Variants in CHD7 observed in about 807,000 individuals in gnomAD.
The protein encoded by CHD7 is chromodomain helicase DNA binding protein 7.
In CHD7, 24 loss-of-function variants were observed where a neutral mutation model predicts 307.3. The observed-to-expected ratio is 0.08, with a 90% confidence interval of 0.06 to 0.11. The LOEUF (loss-of-function observed/expected upper bound fraction) is 0.11, where lower values mean the gene tolerates loss of function less well. Ranked by LOEUF, CHD7 falls within the 10% of genes least tolerant of loss-of-function variation. The pLI is 1.00. For missense variants in CHD7, 3,106 were observed against 3,727.1 expected, an observed-to-expected ratio of 0.83 and a Z score of 4.34; for synonymous variants, 1,363 against 1,349.9, an observed-to-expected ratio of 1.01 and a Z score of -0.21.
rs191471318 is a variant in CHD7 at position 60,698,771 on chromosome 8, T to C, written c.-175+19689T>C. Among the ~76,000 whole-genome samples, 3 of 152,310 alleles carry C rather than the reference T, an allele frequency of 2.0e-5. No homozygotes were observed. In the East Asian group the frequency reaches 5.8e-4, roughly 29 times the overall value. ...ATGTCTAGTGGTATGACTTGACTTT[T>C]CTTCTCTTCTCTTTCTCTTTTTCTT... On this transcript the variant is annotated intron_variant, in intron 1 of 37. Coordinates refer to ENST00000423902, the MANE Select transcript of CHD7 (RefSeq NM_017780.4).
intron 2 of CHD7, among the ~76,000 whole-genome samples, chr8:60,757,694 G>A (rs1354454709): frequency 6.6e-6 from 1 of 152,182 alleles, no homozygotes; most frequent in Non-Finnish European, 1.5e-5. Flanking sequence ...GGGACTTTTA[G>A]AAAATAGATA....
intron 1 of CHD7, among the ~76,000 whole-genome samples, chr8:60,709,608 A>AT (rs1807186709): frequency 6.6e-6 from 1 of 152,190 alleles, no homozygotes; most frequent in Non-Finnish European, 1.5e-5. Flanking sequence ...GACACATCCT[A>AT]TGTACATTTA....
At chr8:60,756,682 CTG>C (rs1364380219) in intron 2 of CHD7, among the ~76,000 whole-genome samples, 1 of 152,178 alleles carries the variant, frequency 6.6e-6, no homozygotes, top group Non-Finnish European at 1.5e-5. Context: ...CATAGTGAGA[CTG>C]TCTCTTTTAA....
In CHD7 at chr8:60,739,510, T is replaced by C. The variant is rs182426734; in HGVS notation, c.-174-1749T>C. 7.2e-5 allele frequency among the ~76,000 whole-genome samples: 11 copies of C among 152,364 alleles called. No homozygotes were observed. The South Asian group carries it at 1.0e-3, about 14-fold the overall frequency. On this transcript the variant is annotated intron_variant, in intron 1 of 37. Transcript: ENST00000423902. ...CAGCGTGTTTTCAGTAAAATAGCTT[T>C]CATGCTCACCTTATTTTCACCCATC...
chr8:60,837,417 C>G (rs940748511), intron 17 of CHD7, among the ~76,000 whole-genome samples: 6 of 152,150 alleles, frequency 3.9e-5, no homozygotes, highest in Non-Finnish European at 8.8e-5. Flanking sequence ...GGTGAGGGCC[C>G]TCTTCCTGGT....
intron 1 of CHD7, among the ~76,000 whole-genome samples, chr8:60,687,104 CT>C (rs1315868498): frequency 6.6e-6 from 1 of 152,184 alleles, no homozygotes; most frequent in Admixed American, 6.5e-5. Flanking sequence ...AGAAATCTGT[CT>C]GTTGATATTT....
In CHD7 at chr8:60,773,836, A is replaced by G. The variant is rs117709074; in HGVS notation, c.1666-7164A>G. Among the ~76,000 whole-genome samples, 11 of 152,350 alleles carry G rather than the reference A, an allele frequency of 7.2e-5. No homozygotes were observed. In the East Asian group the frequency reaches 1.9e-3, roughly 27 times the overall value. On this transcript the variant is annotated intron_variant, in intron 2 of 37. Coordinates refer to ENST00000423902, the MANE Select transcript of CHD7 (RefSeq NM_017780.4). ...TAATGTTTGTTGGCTGCAAAACACA[A>G]TAAGAATGCCAGTTCTTACCTACAT...
Position 60,845,032 on chromosome 8 carries a change from T to C in CHD7, c.5019T>C (p.Asp1673=), listed in dbSNP as rs1277463128. ...GGGATCTGATCACACCCACAGCGGA[T>C]GGCCAGACTCGAGCCTTGGTCAACC... ...FIWDLITPTA[D]GQTRALVNHS... is the part of the protein sequence containing the mutation. The change falls in exon 22 of 38, where the codon GAT becomes GAC. Residue 1673 remains aspartate, a synonymous_variant. Transcript: ENST00000423902. The C allele has an allele frequency of 1.9e-6, 3 of 1,613,892 alleles. No individual in the cohort carries two copies. The highest frequency in any genetic ancestry group is 2.5e-6 in the Non-Finnish European group (3 of 1,179,898).
chr8:60,742,083 A>G lies in CHD7; in HGVS notation c.651A>G (p.Gln217=), dbSNP rs1302704794. The G allele has an allele frequency of 6.2e-7, 1 of 1,613,978 alleles. No individual in the cohort carries two copies. Among genetic ancestry groups the G allele is most frequent in the Non-Finnish European group, 8.5e-7 (1 of 1,179,892 alleles). Residue 217 remains glutamine (Q), a synonymous_variant, in exon 2 of 38, where the codon CAA becomes CAG. Coordinates refer to ENST00000423902, the MANE Select transcript of CHD7 (RefSeq NM_017780.4). ...QQRMSQFSQG[Q]EGLNQGNPFI... ...GGATGAGCCAGTTTTCCCAAGGCCA[A>G]GAGGGCCTCAATCAGGGAAATCCTT...
intron 14 of CHD7, among the ~76,000 whole-genome samples, chr8:60,829,529 A>G (rs1196678846): frequency 6.6e-6 from 1 of 152,210 alleles, no homozygotes; most frequent in Non-Finnish European, 1.5e-5. Context: ...TGAACCCGGG[A>G]GGCAGAGGTT....
intron 3 of CHD7, among the ~76,000 whole-genome samples, chr8:60,787,518 TTA>T (rs1021617818): frequency 3.3e-4 from 50 of 152,298 alleles, no homozygotes; most frequent in African/African-American, 1.1e-3. Flanking sequence ...GTTTAATTCT[TTA>T]TGTTATATCT....
chr8:60,754,740 A>C (rs772788147), intron 2 of CHD7, among the ~76,000 whole-genome samples: 5 of 152,224 alleles, frequency 3.3e-5, no homozygotes, highest in Non-Finnish European at 7.3e-5. Flanking sequence ...ACCAAGGTGA[A>C]AACCATCACT....
At chr8:60,715,773 A>C (rs955753806) in intron 1 of CHD7, among the ~76,000 whole-genome samples, 1 of 152,196 alleles carries the variant, frequency 6.6e-6, no homozygotes, top group African/African-American at 2.4e-5. Context: ...AAACAAAACA[A>C]AACAAAACAA....
chr8:60,860,562 G>A (rs1442636717), intron 34 of CHD7, among the ~76,000 whole-genome samples: 3 of 152,168 alleles, frequency 2.0e-5, no homozygotes, highest in African/African-American at 7.2e-5. Flanking sequence ...AGCCTCCCAG[G>A]TAGCTGGGAT....
intron 32 of CHD7, among the ~76,000 whole-genome samples, chr8:60,855,455 A>G (rs1022813091): frequency 2.4e-4 from 37 of 152,218 alleles, no homozygotes; most frequent in African/African-American, 8.2e-4. Flanking sequence ...GCAAATTGAC[A>G]TTCATTAGGT....
At chr8:60,737,551 G>T (rs185377055) in intron 1 of CHD7, among the ~76,000 whole-genome samples, 3 of 152,306 alleles carry the variant, frequency 2.0e-5, no homozygotes, top group African/African-American at 7.2e-5. Flanking sequence ...TGGTTTCACA[G>T]TGTGCCTCTA....
chr8:60,861,945 G>A, intron 35 of CHD7: 1 of 277,672 alleles, frequency 3.6e-6, no homozygotes, highest in Non-Finnish European at 6.7e-6. Context: ...AACATTTAAA[G>A]AAAAACTTTA....
Position 60,795,139 on chromosome 8 carries a change from AT to A in CHD7, c.2238+14del. 3 of 1,608,594 alleles carry A rather than the reference AT, an allele frequency of 1.9e-6. No homozygotes were observed. Among genetic ancestry groups the A allele is most frequent in the Non-Finnish European group, 2.5e-6 (3 of 1,177,934 alleles). ...ACCCAGGTGTTCAGGTAATACAATTATTGTGATTCCCGAGCCTTGGTTATTT... is the reference window on the plus strand; with the variant it reads ...ACCCAGGTGTTCAGGTAATACAATTATGTGATTCCCGAGCCTTGGTTATTT... On this transcript the variant is annotated intron_variant, in intron 4 of 37. Coordinates refer to ENST00000423902, the MANE Select transcript of CHD7 (RefSeq NM_017780.4).
chr8:60,732,947 A>G (rs1284078764), intron 1 of CHD7, among the ~76,000 whole-genome samples: 1 of 152,182 alleles, frequency 6.6e-6, no homozygotes, highest in East Asian at 1.9e-4. Context: ...CATTCAAAAG[A>G]TATGAGACCT....
Sources: allele counts gnomAD v4.1 joint callset (sites outside exome capture counted in the v4.1 genomes callset), GRCh38; gene constraint gnomAD v4.1.1; transcripts MANE v1.5; gene names NCBI Gene and HGNC (gene_info 2026-07-23, HGNC 2026-07-21).